The following ADAMTS6 variants were observed in gnomAD, a reference collection of about 807,000 sequenced individuals.
The protein encoded by ADAMTS6 is ADAM metallopeptidase with thrombospondin type 1 motif 6.
ADAMTS6 carries 23 observed loss-of-function variants against 144.3 expected under a neutral mutation model. The observed-to-expected ratio is 0.16, with a 90% CI of 0.11 to 0.23. ADAMTS6 has a LOEUF of 0.23. Ranked by LOEUF, ADAMTS6 falls within the 10% of genes least tolerant of loss-of-function variation. ADAMTS6 has a pLI of 1.00. For synonymous variants in ADAMTS6, 444 were observed against 457.5 expected, an observed-to-expected ratio of 0.97 and a Z score of 0.38; for missense variants, 999 against 1,379.6, an observed-to-expected ratio of 0.72 and a Z score of 4.37.
chr5:65,453,497 G>A (rs1388625567), intron 4 of ADAMTS6, among the ~76,000 whole-genome samples: 1 of 152,166 alleles, frequency 6.6e-6, no homozygotes, highest in Non-Finnish European at 1.5e-5. Flanking sequence ...TTCTGACAGA[G>A]TACTCAAAAT....
At position 65,210,488 on chromosome 5, in the gene ADAMTS6, C is replaced by T. The variant is rs531652015; in HGVS notation, c.2575+4306G>A. 7.7e-5 allele frequency: 22 copies of T among 283,892 alleles called. No individual in the cohort carries two copies. The East Asian group carries it at 1.2e-3, about 16-fold the overall frequency. 17.6% of individuals were successfully genotyped at this position (283,892 alleles called of 1,614,324 possible). On this transcript the variant is annotated intron_variant, in intron 20 of 24. Coordinates refer to ENST00000381055, the MANE Select transcript of ADAMTS6 (RefSeq NM_197941.4). ...AAAAAAAAGATCTATGAAGGCCAAG[C>T]GGAGTTGATTGGAGATGAATATAAT...
At chr5:65,233,185 C>T (rs948892163) in intron 15 of ADAMTS6, among the ~76,000 whole-genome samples, 8 of 151,918 alleles carry the variant, frequency 5.3e-5, no homozygotes, top group African/African-American at 1.7e-4. Context: ...AAAGAATATA[C>T]CTCAACACAA....
intron 7 of ADAMTS6, among the ~76,000 whole-genome samples, chr5:65,374,933 C>T (rs984477754): frequency 6.6e-6 from 1 of 152,100 alleles, no homozygotes; most frequent in African/African-American, 2.4e-5. Context: ...TGGAACAGAA[C>T]AGAGCCCTCA....
chr5:65,478,616 C>T (rs1761003554), intron 1 of ADAMTS6, among the ~76,000 whole-genome samples: 2 of 152,070 alleles, frequency 1.3e-5, no homozygotes, highest in Admixed American at 1.3e-4. Flanking sequence ...TTTCAAAGCC[C>T]TTCCTTCAAA....
chr5:65,462,611 C>T (rs918395498), intron 3 of ADAMTS6, among the ~76,000 whole-genome samples: 1 of 152,186 alleles, frequency 6.6e-6, no homozygotes, highest in South Asian at 2.1e-4. Context: ...CTCTTAACCA[C>T]TACACCATAA....
chr5:65,181,403 G>A (rs1350650434), intron 22 of ADAMTS6, among the ~76,000 whole-genome samples: 3 of 152,118 alleles, frequency 2.0e-5, no homozygotes, highest in African/African-American at 7.2e-5. Flanking sequence ...CTCTCTTAAA[G>A]CTTAATATTA....
chr5:65,278,121 G>A (rs1221341640), intron 11 of ADAMTS6, among the ~76,000 whole-genome samples: 1 of 152,104 alleles, frequency 6.6e-6, no homozygotes, highest in East Asian at 1.9e-4. Context: ...TTAGAATAAT[G>A]GCCTCCAGCT....
At chr5:65,430,864 A>T (rs1756949474) in intron 7 of ADAMTS6, among the ~76,000 whole-genome samples, 1 of 152,174 alleles carries the variant, frequency 6.6e-6, no homozygotes, top group Admixed American at 6.5e-5. Flanking sequence ...TTAAAAAGTT[A>T]TCTCAACAGA....
At chr5:65,431,353 T>A (rs184690696) in intron 7 of ADAMTS6, among the ~76,000 whole-genome samples, 2 of 152,278 alleles carry the variant, frequency 1.3e-5, no homozygotes, top group East Asian at 3.9e-4. Context: ...ATAAGGACAC[T>A]TAAATAGATA....
At chr5:65,332,937 C>T (rs1182547340) in intron 8 of ADAMTS6, among the ~76,000 whole-genome samples, 1 of 152,030 alleles carries the variant, frequency 6.6e-6, no homozygotes, top group East Asian at 1.9e-4. Flanking sequence ...AGCCATAAAT[C>T]CTAAGGGAAA....
At chr5:65,292,762 G>C (rs1257305639) in intron 10 of ADAMTS6, among the ~76,000 whole-genome samples, 2 of 151,844 alleles carry the variant, frequency 1.3e-5, no homozygotes, top group Non-Finnish European at 2.9e-5. Context: ...TATTTAAAAG[G>C]AATATTAAGT....
chr5:65,208,104 C>T (rs925165003), intron 20 of ADAMTS6, among the ~76,000 whole-genome samples: 1 of 152,210 alleles, frequency 6.6e-6, no homozygotes, highest in African/African-American at 2.4e-5. Flanking sequence ...ATCCCAGATA[C>T]TCATTCCTAA....
chr5:65,366,513 TA>T (rs955720894), intron 7 of ADAMTS6, among the ~76,000 whole-genome samples: 1 of 152,192 alleles, frequency 6.6e-6, no homozygotes, highest in Non-Finnish European at 1.5e-5. Flanking sequence ...AAATGGTGCT[TA>T]AACTGTTACT....
chr5:65,195,700 G>A (rs2112217143), intron 21 of ADAMTS6, among the ~76,000 whole-genome samples: 1 of 152,334 alleles, frequency 6.6e-6, no homozygotes, highest in African/African-American at 2.4e-5. Context: ...TTTTAGAGAA[G>A]CTTCATTATA....
In ADAMTS6 at chr5:65,188,130, A is replaced by T; in HGVS notation, c.2796T>A (p.Pro932=). Residue 932 remains proline (P), a synonymous_variant, in exon 22 of 25, where the codon CCT becomes CCA. Coordinates refer to ENST00000381055, the MANE Select transcript of ADAMTS6 (RefSeq NM_197941.4). ...RAVLCIRKIG[P]SEEETLDYSG... ...TGTAGTCCAGCGTCTCCTCCTCAGA[A>T]GGTCCGATCTTCCTGATGCAGAGCA... The T allele has an allele frequency of 6.2e-7, 1 of 1,614,196 alleles. No individual in the cohort carries two copies. The highest frequency in any genetic ancestry group is 8.5e-7 in the Non-Finnish European group (1 of 1,180,014).
intron 7 of ADAMTS6, among the ~76,000 whole-genome samples, chr5:65,422,406 C>G (rs573265939): frequency 6.6e-6 from 1 of 152,092 alleles, no homozygotes; most frequent in East Asian, 1.9e-4. Context: ...CCAAGGCGGG[C>G]GGATCACGAG....
chr5:65,240,472 T>C (rs1188325683), intron 15 of ADAMTS6, among the ~76,000 whole-genome samples: 1 of 152,138 alleles, frequency 6.6e-6, no homozygotes, highest in African/African-American at 2.4e-5. Flanking sequence ...TTTTATGGAC[T>C]GAATGTTTGT....
chr5:65,212,002 T>C (rs1756564408), intron 20 of ADAMTS6, among the ~76,000 whole-genome samples: 1 of 152,174 alleles, frequency 6.6e-6, no homozygotes, highest in Non-Finnish European at 1.5e-5. Flanking sequence ...AGTGCTGGGT[T>C]TGGTTTCTCT....
chr5:65,290,049 C>G (rs1033813198), intron 11 of ADAMTS6, among the ~76,000 whole-genome samples: 20 of 152,234 alleles, frequency 1.3e-4, no homozygotes, highest in Admixed American at 7.2e-4. Flanking sequence ...TAATCACACA[C>G]AATCTTTCAA....
Sources: gnomAD v4.1 joint callset for allele counts (sites outside exome capture counted in the v4.1 genomes callset) on GRCh38, gnomAD v4.1.1 for gene constraint, MANE v1.5 for transcripts, NCBI Gene and HGNC (gene_info 2026-07-23, HGNC 2026-07-21) for gene names.